Variants in KCNK5 observed in about 807,000 individuals in gnomAD.
The protein encoded by KCNK5 is potassium two pore domain channel subfamily K member 5.
A neutral mutation model predicts 32.9 loss-of-function variants in KCNK5; 18 were observed. The ratio of observed to expected loss-of-function variants is 0.55; its 90% CI spans 0.38 to 0.81. The LOEUF (loss-of-function observed/expected upper bound fraction) is 0.81. KCNK5 is among the 30% of genes least tolerant of loss of function. The probability of loss-of-function intolerance (pLI) is 0.00; values close to 1 mark genes in which losing one functional copy is unlikely to be tolerated. For synonymous variants in KCNK5, 276 were observed against 275.3 expected (o/e 1.00, Z -0.03); for missense variants, 507 against 651.0 (o/e 0.78, Z 2.41).
intron 1 of KCNK5, among the ~76,000 whole-genome samples, chr6:39,204,586 A>G (rs552102369): frequency 1.3e-5 from 2 of 152,326 alleles, no homozygotes; most frequent in East Asian, 3.9e-4. Flanking sequence ...TCCTGCCCCT[A>G]GAGATGCCAA....
At chr6:39,195,286 T>C (rs1262875145) in intron 2 of KCNK5, among the ~76,000 whole-genome samples, 1 of 152,206 alleles carries the variant, frequency 6.6e-6, no homozygotes, top group Non-Finnish European at 1.5e-5. Context: ...CCCAAACACA[T>C]GCGGAGGCCT....
chr6:39,193,544 C>T (rs1770977704), intron 4 of KCNK5, among the ~76,000 whole-genome samples: 1 of 152,264 alleles, frequency 6.6e-6, no homozygotes, highest in South Asian at 2.1e-4. Context: ...AACACAAGTA[C>T]ATGTGTGGCT....
intron 1 of KCNK5, among the ~76,000 whole-genome samples, chr6:39,221,484 G>A (rs1237339238): frequency 6.6e-6 from 1 of 152,182 alleles, no homozygotes; most frequent in East Asian, 1.9e-4. Flanking sequence ...CCACAAAACT[G>A]GTTCAAGGAG....
At chr6:39,208,284 C>T (rs1412893666) in intron 1 of KCNK5, among the ~76,000 whole-genome samples, 2 of 152,156 alleles carry the variant, frequency 1.3e-5, no homozygotes, top group African/African-American at 2.4e-5. Flanking sequence ...GGTGGGGCCA[C>T]TGGGTTTCTC....
chr6:39,225,629 A>G (rs539206855), intron 1 of KCNK5, among the ~76,000 whole-genome samples: 1 of 152,346 alleles, frequency 6.6e-6, no homozygotes, highest in South Asian at 2.1e-4. Flanking sequence ...TGGGTCAGCC[A>G]GGCAACAACA....
intron 4 of KCNK5, among the ~76,000 whole-genome samples, chr6:39,193,778 C>T (rs1427164776): frequency 6.6e-6 from 1 of 152,166 alleles, no homozygotes; most frequent in Non-Finnish European, 1.5e-5. Flanking sequence ...TGAAAGGCTG[C>T]TGAGGGCGTG....
intron 4 of KCNK5, among the ~76,000 whole-genome samples, chr6:39,192,495 G>A (rs926761130): frequency 6.6e-6 from 1 of 152,170 alleles, no homozygotes; most frequent in Non-Finnish European, 1.5e-5. Context: ...ACACAAGGGA[G>A]CCCCCAGCAC....
At chr6:39,212,448 A>G (rs1487578037) in intron 1 of KCNK5, among the ~76,000 whole-genome samples, 1 of 152,134 alleles carries the variant, frequency 6.6e-6, no homozygotes, top group East Asian at 1.9e-4. Flanking sequence ...CCTCCCCTGG[A>G]CCCTCAGGAT....
chr6:39,211,633 G>A (rs190759205), intron 1 of KCNK5, among the ~76,000 whole-genome samples: 78 of 152,316 alleles, frequency 5.1e-4, no homozygotes, highest in Non-Finnish European at 7.5e-4. Flanking sequence ...CCAGTGACTG[G>A]AGAACTAAAA....
At chr6:39,199,586 G>A (rs560166509) in intron 1 of KCNK5, among the ~76,000 whole-genome samples, 84 of 152,312 alleles carry the variant, frequency 5.5e-4, no homozygotes, top group African/African-American at 1.8e-3. Flanking sequence ...CCCACTGGGC[G>A]GAGAGAGGTT....
Position 39,190,742 on chromosome 6 carries a change from T to G in KCNK5, c.*148A>C. 1 of 698,170 alleles carries G rather than the reference T, an allele frequency of 1.4e-6. No individual in the cohort carries two copies. The highest frequency in any genetic ancestry group is 2.2e-6 in the Non-Finnish European group (1 of 454,050). 43.2% of individuals were successfully genotyped at this position (698,170 alleles called of 1,614,324 possible). A position where few individuals can be genotyped will look rare whatever the true frequency, so the allele number is the denominator to read the frequency against. ...TCCCGGGCATACATCTAGCTGAGGA[T>G]GATGGAAGGTTAGGAAGGCCCCTGG... is the stretch of plus-strand genomic sequence containing the variant. On this transcript the variant is annotated 3_prime_UTR_variant, in exon 5 of 5. Coordinates refer to ENST00000359534, the MANE Select transcript of KCNK5 (RefSeq NM_003740.4).
At chr6:39,197,186 G>C (rs773242426) in intron 1 of KCNK5, among the ~76,000 whole-genome samples, 2 of 151,960 alleles carry the variant, frequency 1.3e-5, no homozygotes, top group Non-Finnish European at 2.9e-5. Context: ...AGAAGAGTGA[G>C]GGATGGAAAC....
At chr6:39,201,442 G>C (rs1771132531) in intron 1 of KCNK5, among the ~76,000 whole-genome samples, 1 of 151,936 alleles carries the variant, frequency 6.6e-6, no homozygotes, top group Non-Finnish European at 1.5e-5. Context: ...GTAGAGACGG[G>C]GTTTCTCCAT....
At chr6:39,211,921 A>G (rs963623430) in intron 1 of KCNK5, among the ~76,000 whole-genome samples, 2 of 152,036 alleles carry the variant, frequency 1.3e-5, no homozygotes, top group African/African-American at 4.8e-5. Flanking sequence ...CTGAGATCGT[A>G]CCATTGCATT....
chr6:39,192,454 A>C (rs914665431), intron 4 of KCNK5, among the ~76,000 whole-genome samples: 4 of 152,162 alleles, frequency 2.6e-5, no homozygotes, highest in Non-Finnish European at 5.9e-5. Flanking sequence ...TATATGATAC[A>C]GTTCACTTAA....
intron 4 of KCNK5, among the ~76,000 whole-genome samples, chr6:39,192,831 C>T (rs1201798330): frequency 2.0e-5 from 3 of 152,158 alleles, no homozygotes; most frequent in African/African-American, 7.2e-5. Flanking sequence ...TTCCATTTGC[C>T]CCCTCGACTA....
Position 39,191,529 on chromosome 6 carries a change from G to A in KCNK5, c.861C>T (p.Asp287=), listed in dbSNP as rs773726026. The change falls in exon 5 of 5, where the codon GAC becomes GAT. Residue 287 remains aspartate, a synonymous_variant. Coordinates refer to ENST00000359534, the MANE Select transcript of KCNK5 (RefSeq NM_003740.4). This position sits in a 1 kb window ranked among gnomAD's most constrained non-coding sequence, Gnocchi z 5.8. Reference sequence around the variant, plus strand: ...TGGAAAGAAAGCTGAAGATGTTGACGTCCTTGGAGGCTGTGCTCCCCTTCA... The same window carrying A: ...TGGAAAGAAAGCTGAAGATGTTGACATCCTTGGAGGCTGTGCTCCCCTTCA... ...LQVKGSTASK[D]VNIFSFLSKK... 21 of 1,613,840 alleles carry A rather than the reference G, an allele frequency of 1.3e-5. No homozygotes were observed. Among genetic ancestry groups the A allele is most frequent in the East Asian group, 2.2e-5 (1 of 44,856 alleles).
intron 1 of KCNK5, among the ~76,000 whole-genome samples, chr6:39,209,397 C>T (rs1382806593): frequency 6.6e-6 from 1 of 152,170 alleles, no homozygotes; most frequent in Non-Finnish European, 1.5e-5. Flanking sequence ...ATTGCCCCCG[C>T]CCACCATCCA....
intron 1 of KCNK5, 120 bp downstream of exon 1, chr6:39,228,806 C>G (rs1771716641): frequency 1.0e-6 from 1 of 961,486 alleles, no homozygotes; most frequent in Non-Finnish European, 1.6e-6. Context: ...TCTCTCATCA[C>G]CCCCTGGACC....
Sources: gnomAD v4.1 joint callset for allele counts (sites outside exome capture counted in the v4.1 genomes callset) on GRCh38, gnomAD v4.1.1 for gene constraint, Gnocchi (gnomAD v3.1) non-coding constraint, MANE v1.5 for transcripts, NCBI Gene and HGNC (gene_info 2026-07-23, HGNC 2026-07-21) for gene names.